B4GALT5: variants seen among roughly 807,000 people sequenced by gnomAD.
B4GALT5 encodes beta-1,4-galactosyltransferase 5.
B4GALT5 carries 11 observed loss-of-function variants against 45.0 expected under a neutral mutation model. The observed-to-expected ratio is 0.24, with a 90% confidence interval of 0.15 to 0.40. B4GALT5 has a LOEUF of 0.40. Among genes scored for constraint, B4GALT5 ranks in the 10% least tolerant of loss-of-function variants. B4GALT5 has a pLI of 1.00. For missense variants in B4GALT5, 337 were observed against 500.2 expected, an observed-to-expected ratio of 0.67 and a Z score of 3.11; for synonymous variants, 185 against 182.9, an observed-to-expected ratio of 1.01 and a Z score of -0.09.
At chr20:49,700,137 G>A (rs547573916) in intron 1 of B4GALT5, among the ~76,000 whole-genome samples, 1 of 152,192 alleles carries the variant, frequency 6.6e-6, no homozygotes, top group Non-Finnish European at 1.5e-5. Flanking sequence ...ATCATCTTAG[G>A]AGAAAGGCAC....
chr20:49,675,941 C>T (rs918175845), intron 1 of B4GALT5, among the ~76,000 whole-genome samples: 2 of 152,104 alleles, frequency 1.3e-5, no homozygotes, highest in Non-Finnish European at 2.9e-5. Flanking sequence ...CACTATGAGG[C>T]TACACTAAAA....
At chr20:49,678,283 A>G (rs1407613297) in intron 1 of B4GALT5, among the ~76,000 whole-genome samples, 1 of 152,260 alleles carries the variant, frequency 6.6e-6, no homozygotes, top group Non-Finnish European at 1.5e-5. Flanking sequence ...TCGCAGAGCA[A>G]GTCCAAGGCA....
intron 1 of B4GALT5, among the ~76,000 whole-genome samples, chr20:49,703,888 C>T (rs1221538766): frequency 9.6e-6 from 1 of 104,530 alleles, no homozygotes; most frequent in South Asian, 4.1e-4. Flanking sequence ...GACTCCATCT[C>T]AGGAAAAAAA....
At chr20:49,698,664 C>T (rs2089393801) in intron 1 of B4GALT5, among the ~76,000 whole-genome samples, 1 of 152,186 alleles carries the variant, frequency 6.6e-6, no homozygotes, top group Non-Finnish European at 1.5e-5. Context: ...TTGCCCCATC[C>T]AGACAACTGG....
chr20:49,704,815 T>C (rs768560468), intron 1 of B4GALT5, among the ~76,000 whole-genome samples: 3 of 152,136 alleles, frequency 2.0e-5, no homozygotes, highest in Non-Finnish European at 4.4e-5. Flanking sequence ...TTTTCATCTT[T>C]ATAATTAGGC....
chr20:49,670,546 T>C (rs2085711330), intron 1 of B4GALT5, among the ~76,000 whole-genome samples: 2 of 152,190 alleles, frequency 1.3e-5, no homozygotes, highest in Non-Finnish European at 2.9e-5. Context: ...GCATGCATCA[T>C]GGTGTCTGAC....
intron 1 of B4GALT5, among the ~76,000 whole-genome samples, chr20:49,690,749 T>C (rs879869183): frequency 1.3e-5 from 2 of 152,192 alleles, no homozygotes; most frequent in African/African-American, 4.8e-5. Flanking sequence ...AAAGAAGGCA[T>C]ACCGATTGAT....
Position 49,684,629 on chromosome 20 carries a change from G to C in B4GALT5, c.116-27927C>G, listed in dbSNP as rs750323532. 5.8e-6 allele frequency: 3 copies of C among 518,780 alleles called. No individual in the cohort carries two copies. In the East Asian group the frequency reaches 1.6e-4, roughly 28 times the overall value. The allele number at this position is 518,780 out of a possible 1,614,324, so 32.1% of individuals were successfully genotyped here. A position where few individuals can be genotyped will look rare whatever the true frequency, so the allele number is the denominator to read the frequency against. ...TCAAGGACATAAGCACGCAAAATCA[G>C]CAAGTGCCATACAGTAAGTACTGAT... is the stretch of plus-strand genomic sequence containing the variant. On this transcript the variant is annotated intron_variant, in intron 1 of 8. Coordinates refer to ENST00000371711, the MANE Select transcript of B4GALT5 (RefSeq NM_004776.4).
intron 7 of B4GALT5, among the ~76,000 whole-genome samples, chr20:49,638,244 C>T (rs1023458203): frequency 6.6e-6 from 1 of 152,076 alleles, no homozygotes; most frequent in African/African-American, 2.4e-5. Flanking sequence ...TCTTGAACTC[C>T]TGGGCTCAAG....
chr20:49,696,139 T>C (rs149238927), intron 1 of B4GALT5, among the ~76,000 whole-genome samples: 1 of 152,248 alleles, frequency 6.6e-6, no homozygotes, highest in African/African-American at 2.4e-5. Context: ...TCCTGCTCAA[T>C]TGATTTGACC....
intron 1 of B4GALT5, among the ~76,000 whole-genome samples, chr20:49,668,616 G>A (rs2085702320): frequency 6.6e-6 from 1 of 152,022 alleles, no homozygotes; most frequent in Admixed American, 6.6e-5. Flanking sequence ...GGGGCGTCAG[G>A]GTATGACGGA....
chr20:49,683,982 A>G (rs1164093387), intron 1 of B4GALT5, among the ~76,000 whole-genome samples: 1 of 151,626 alleles, frequency 6.6e-6, no homozygotes, highest in Non-Finnish European at 1.5e-5. Context: ...CTCTACTAAA[A>G]ATACAAAAAT....
intron 1 of B4GALT5, among the ~76,000 whole-genome samples, chr20:49,707,289 C>G (rs904499268): frequency 1.3e-5 from 2 of 152,078 alleles, no homozygotes; most frequent in African/African-American, 4.8e-5. Flanking sequence ...TCAACCTGTT[C>G]TCCAAACACG....
chr20:49,694,295 T>C (rs1205928917), intron 1 of B4GALT5, among the ~76,000 whole-genome samples: 1 of 152,116 alleles, frequency 6.6e-6, no homozygotes, highest in South Asian at 2.1e-4. Flanking sequence ...TATTTTTCTT[T>C]TCCCAACTAT....
chr20:49,645,793 A>G (rs914537541), intron 3 of B4GALT5, among the ~76,000 whole-genome samples: 3 of 152,078 alleles, frequency 2.0e-5, no homozygotes, highest in African/African-American at 4.8e-5. Flanking sequence ...AGAGTACATT[A>G]TACTAGATAA....
chr20:49,656,840 TA>T, intron 1 of B4GALT5, 138 bp from the exon 2 acceptor site: 1 of 1,102,272 alleles, frequency 9.1e-7, no homozygotes. Flanking sequence ...TACATGACCA[TA>T]ACTCTATTTT....
intron 1 of B4GALT5, among the ~76,000 whole-genome samples, chr20:49,659,049 G>T (rs923786954): frequency 1.3e-5 from 2 of 152,202 alleles, no homozygotes; most frequent in Non-Finnish European, 2.9e-5. Flanking sequence ...AACCAGGTGT[G>T]TCTGTGCTCT....
At chr20:49,667,857 A>C (rs2085698566) in intron 1 of B4GALT5, among the ~76,000 whole-genome samples, 1 of 152,186 alleles carries the variant, frequency 6.6e-6, no homozygotes, top group Admixed American at 6.5e-5. Context: ...GAATTTTTCC[A>C]TTTTAAATCT....
rs2085572634 is a variant in B4GALT5, at chr20:49,640,560, T to G, written c.712A>C (p.Ile238Leu). The G allele has an allele frequency of 1.2e-6, 2 of 1,613,994 alleles. No homozygotes were observed. Among genetic ancestry groups the G allele is most frequent in the Admixed American group, 1.7e-5 (1 of 59,996 alleles). The change falls in exon 6 of 9, where the codon ATA (isoleucine) becomes CTA (leucine). Residue 238 changes from isoleucine (I) to leucine (L), a missense_variant. Coordinates refer to ENST00000371711, the MANE Select transcript of B4GALT5 (RefSeq NM_004776.4). The stretch of plus-strand genomic sequence containing the variant: ...TAATAGTTGCGATCACTTTCCGGTA[T>G]GTGATCTACATCATGAAAAATCAAA... The part of the protein sequence containing the change: ...DCLIFHDVDH[I>L]PESDRNYYGC...
Sources: allele counts gnomAD v4.1 joint callset (sites outside exome capture counted in the v4.1 genomes callset), GRCh38; gene constraint gnomAD v4.1.1; transcripts MANE v1.5; gene names NCBI Gene and HGNC (gene_info 2026-07-23, HGNC 2026-07-21).